The following CERT1 variants were observed in gnomAD, a reference collection of about 807,000 sequenced individuals.
The protein encoded by CERT1 is ceramide transfer protein.
Under a neutral mutation model 87.9 loss-of-function variants are expected in CERT1, and 31 were observed. The ratio of observed to expected loss-of-function variants is 0.35; its 90% CI spans 0.27 to 0.48. The LOEUF (loss-of-function observed/expected upper bound fraction) is 0.48, where lower values mean the gene tolerates loss of function less well. Ranked by LOEUF, CERT1 falls within the 20% of genes least tolerant of loss-of-function variation. The probability of loss-of-function intolerance (pLI) is 0.99; values close to 1 mark genes in which losing one functional copy is unlikely to be tolerated. For synonymous variants in CERT1, 289 were observed against 250.9 expected, an observed-to-expected ratio of 1.15 and a Z score of -1.44; for missense variants, 487 against 758.0, an observed-to-expected ratio of 0.64 and a Z score of 4.20.
intron 5 of CERT1, among the ~76,000 whole-genome samples, chr5:75,420,731 A>T (rs751563289): frequency 1.3e-5 from 2 of 152,116 alleles, no homozygotes; most frequent in Non-Finnish European, 2.9e-5. Flanking sequence ...ACATGCTTTA[A>T]TTCTCTGTAC....
intron 3 of CERT1, among the ~76,000 whole-genome samples, chr5:75,444,797 G>A (rs1411565837): frequency 7.9e-5 from 12 of 151,596 alleles, no homozygotes; most frequent in South Asian, 6.2e-4. Context: ...TGCCCGCCTC[G>A]GCCTCCTAAA....
Position 75,389,580 on chromosome 5 carries a change from AG to A in CERT1, c.1284+11del. On this transcript the variant is annotated intron_variant, in intron 12 of 16. Coordinates refer to ENST00000643780, the MANE Select transcript of CERT1 (RefSeq NM_001379029.1). ...CGCCTTTGGCAATCTATAACATTTCAGGGGGAATTACCTTCATTTCTCCTTC... is the reference window on the plus strand; with the variant it reads ...CGCCTTTGGCAATCTATAACATTTCAGGGGAATTACCTTCATTTCTCCTTC... 6 of 1,604,810 alleles carry A rather than the reference AG, an allele frequency of 3.7e-6. No individual in the cohort carries two copies. Among genetic ancestry groups the A allele is most frequent in the Non-Finnish European group, 5.1e-6 (6 of 1,171,538 alleles).
chr5:75,372,879 G>A (rs1761133558), downstream of CERT1: 1 of 152,190 alleles, frequency 6.6e-6, no homozygotes, highest in Non-Finnish European at 1.5e-5. Context: ...GAACAAGTCA[G>A]CAAAGCATCT....
chr5:75,421,671 A>G (rs1763382170), intron 5 of CERT1, among the ~76,000 whole-genome samples: 1 of 152,234 alleles, frequency 6.6e-6, no homozygotes, highest in Admixed American at 6.5e-5. Flanking sequence ...TTGAAGTTAT[A>G]ATACGACTAT....
chr5:75,416,495 T>A (rs958528491), intron 7 of CERT1, among the ~76,000 whole-genome samples: 1 of 152,210 alleles, frequency 6.6e-6, no homozygotes, highest in African/African-American at 2.4e-5. Flanking sequence ...AGTATTACTA[T>A]AATAAGTAAA....
At chr5:75,509,853 T>TA (rs1321631565) in intron 1 of CERT1, among the ~76,000 whole-genome samples, 2 of 152,196 alleles carry the variant, frequency 1.3e-5, no homozygotes, top group Non-Finnish European at 2.9e-5. Context: ...AGGATACATT[T>TA]AATCTAAAGA....
At chr5:75,382,252 A>C (rs992233280) in intron 14 of CERT1, among the ~76,000 whole-genome samples, 175 bp from the exon 15 acceptor site, 5 of 152,248 alleles carry the variant, frequency 3.3e-5, no homozygotes, top group Non-Finnish European at 7.3e-5. Context: ...TTTGCAGAAC[A>C]ATATAATAAA....
At chr5:75,428,665 G>A (rs1425305039) in intron 3 of CERT1, among the ~76,000 whole-genome samples, 1 of 147,866 alleles carries the variant, frequency 6.8e-6, no homozygotes, top group African/African-American at 2.5e-5. Context: ...GTGAAAGAGC[G>A]AGACTCTGTC....
chr5:75,400,252 A>G lies in CERT1; in HGVS notation c.1063T>C (p.Ser355Pro). 6.2e-7 allele frequency: 1 copy of G among 1,613,862 alleles called. No homozygotes were observed. The highest frequency in any genetic ancestry group is 8.5e-7 in the Non-Finnish European group (1 of 1,179,740). The part of the protein sequence containing the change: ...VRLHWPTSLP[S>P]GDAFSSVGTH... Reference sequence around the variant, plus strand: ...CCCACAGAAGAAAAGGCATCTCCAGAGGGCAAGGATGTAGGCCAATGTAAT... The same window carrying G: ...CCCACAGAAGAAAAGGCATCTCCAGGGGGCAAGGATGTAGGCCAATGTAAT... The change falls in exon 10 of 17, where the codon TCT becomes CCT. Residue 355 changes from serine to proline, a missense_variant. Around this residue, in one of 8 missense-constraint regions of CERT1, gnomAD observed 91 missense variants for 86.7 expected, o/e 1.05. Coordinates refer to ENST00000643780, the MANE Select transcript of CERT1 (RefSeq NM_001379029.1).
At chr5:75,460,267 T>C (rs946085883) in intron 2 of CERT1, among the ~76,000 whole-genome samples, 2 of 152,126 alleles carry the variant, frequency 1.3e-5, no homozygotes, top group South Asian at 2.1e-4. Flanking sequence ...CAAAGCAAGA[T>C]AAAAATGTTA....
intron 1 of CERT1, among the ~76,000 whole-genome samples, chr5:75,509,429 T>C (rs1767809850): frequency 6.6e-6 from 1 of 152,170 alleles, no homozygotes; most frequent in Non-Finnish European, 1.5e-5. Context: ...TTCATAGCTT[T>C]GAGCAAGAAT....
At chr5:75,401,235 T>C (rs1472347077) in intron 9 of CERT1, 1 of 152,158 alleles carries the variant, frequency 6.6e-6, no homozygotes, top group African/African-American at 2.4e-5. Context: ...TAGAATGAAG[T>C]TGATTGGATG....
chr5:75,371,985 G>A (rs955749935), intron 17 of CERT1: 1 of 152,020 alleles, frequency 6.6e-6, no homozygotes, highest in African/African-American at 2.4e-5. Context: ...ACTCTAGTGA[G>A]GTACAAGTGC....
In CERT1 at chr5:75,372,253, T is replaced by C. The variant is rs1282652260; in HGVS notation, c.*10-3595A>G. On this transcript the variant is annotated intron_variant, in intron 17 of 17. Transcript: ENST00000261415. The stretch of plus-strand genomic sequence containing the variant: ...ATGGCAAACAGAGAAACATTTATAG[T>C]GCGCATATAGAATTTTTTTGAAGAT... 2.6e-5 allele frequency: 4 copies of C among 152,196 alleles called. 1 individual carries two copies. In the South Asian group the frequency reaches 8.3e-4, roughly 32 times the overall value. 9.4% of individuals were successfully genotyped at this position (152,196 alleles called of 1,614,324 possible).
At chr5:75,388,792 T>C (rs1761918278) in intron 12 of CERT1, among the ~76,000 whole-genome samples, 1 of 151,496 alleles carries the variant, frequency 6.6e-6, no homozygotes, top group African/African-American at 2.4e-5. Context: ...ACCCAGCTAA[T>C]TTTTGTATTT....
intron 10 of CERT1, among the ~76,000 whole-genome samples, chr5:75,399,914 G>A (rs1762402638): frequency 6.6e-6 from 1 of 152,152 alleles, no homozygotes; most frequent in Non-Finnish European, 1.5e-5. Context: ...TGAGGTGGGT[G>A]GATCACAAGG....
chr5:75,450,996 G>A (rs190093067), intron 3 of CERT1, among the ~76,000 whole-genome samples: 100 of 152,270 alleles, frequency 6.6e-4, no homozygotes, highest in African/African-American at 2.3e-3. Context: ...TCAGATGCCA[G>A]TTTTCAAATA....
At chr5:75,394,832 TA>T (rs1451431695) in intron 11 of CERT1, among the ~76,000 whole-genome samples, 1 of 152,200 alleles carries the variant, frequency 6.6e-6, no homozygotes, top group South Asian at 2.1e-4. Context: ...AATAATTAGA[TA>T]AGGGTGCAAA....
intron 8 of CERT1, 103 bp from the exon 9 acceptor site, chr5:75,403,161 T>C: frequency 1.3e-6 from 1 of 747,188 alleles, no homozygotes; most frequent in Non-Finnish European, 2.4e-6. Flanking sequence ...CTAATAAACA[T>C]TTATTGAACA....
Sources: gnomAD v4.1 joint callset for allele counts (sites outside exome capture counted in the v4.1 genomes callset) on GRCh38, gnomAD v4.1.1 for gene constraint, gnomAD v4.1.1 regional missense constraint, MANE v1.5 for transcripts, NCBI Gene and HGNC (gene_info 2026-07-23, HGNC 2026-07-21) for gene names.